AMBN: variants seen among roughly 807,000 people sequenced by gnomAD.
AMBN encodes enamel matrix protein.
AMBN carries 54 observed loss-of-function variants against 48.0 expected under a neutral mutation model. The ratio of observed to expected loss-of-function variants is 1.12; its 90% CI spans 0.90 to 1.41. The LOEUF is 1.41. AMBN is among the 40% of genes most tolerant of loss of function. The probability of loss-of-function intolerance (pLI) is 0.00; values close to 1 mark genes in which losing one functional copy is unlikely to be tolerated. For missense variants in AMBN, 571 were observed against 547.3 expected (o/e 1.04, Z -0.43); for synonymous variants, 186 against 190.0 (o/e 0.98, Z 0.17).
chr4:70,606,854 T>A lies in AMBN; in HGVS notation c.*124T>A. 9.3e-7 allele frequency: 1 copy of A among 1,078,830 alleles called. No individual in the cohort carries two copies. The highest frequency in any genetic ancestry group is 1.8e-5 in the South Asian group (1 of 55,610). The allele number at this position is 1,078,830 out of a possible 1,614,324, so 66.8% of individuals were successfully genotyped here. A position where few individuals can be genotyped will look rare whatever the true frequency, so the allele number is the denominator to read the frequency against. ...AAAGGCATTAAAAGCGCTAAGCATA[T>A]ATTAATAAATGCAAGTGGCTAGAAA... On this transcript the variant is annotated 3_prime_UTR_variant, in exon 13 of 13. Transcript: ENST00000322937.
At chr4:70,600,363 A>T (rs902922908) in intron 5 of AMBN, among the ~76,000 whole-genome samples, 4 of 152,198 alleles carry the variant, frequency 2.6e-5, no homozygotes, top group Non-Finnish European at 5.9e-5. Context: ...ACAGAAGTCA[A>T]TAAATATATC....
Position 70,606,384 on chromosome 4 carries a change from C to G in AMBN, c.998C>G (p.Pro333Arg), listed in dbSNP as rs1400119596. The G allele has an allele frequency of 6.2e-7, 1 of 1,613,912 alleles. No individual in the cohort carries two copies. The highest frequency in any genetic ancestry group is 1.3e-5 in the African/African-American group (1 of 74,910). Residue 333 changes from proline (P) to arginine (R), a missense_variant, in exon 13 of 13, where the codon CCA becomes CGA. Pro to Arg is a moderately radical substitution (Grantham distance 103, BLOSUM62 -2). Coordinates refer to ENST00000322937, the MANE Select transcript of AMBN (RefSeq NM_016519.6). ...GGCTCCCCTATGCCGGAGGCCAACC[C>G]AGACAATCTAGAAAACCCAGCTTTC... ...AQGSPMPEAN[P>R]DNLENPAFLT...
At chr4:70,593,519 C>A in intron 2 of AMBN, 124 bp downstream of exon 2, 2 of 794,740 alleles carry the variant, frequency 2.5e-6, no homozygotes, top group Admixed American at 2.5e-5. Context: ...GTGGTTTAGT[C>A]CTATTGAGTC....
rs767521239 is a variant in AMBN at position 70,599,562 on chromosome 4, A to C, written c.210A>C (p.Ser70=). The change falls in exon 5 of 13, where the codon TCA becomes TCC. Residue 70 remains serine (S), a synonymous_variant. Transcript: ENST00000322937. The part of the protein sequence containing the change: ...SQYSRYGFGK[S]FNSLWMHGLL... Reference sequence around the variant, plus strand: ...ATTCTAGATACGGCTTTGGAAAATCATTTAATTCTTTGTGGATGCACGGTC... The same window carrying C: ...ATTCTAGATACGGCTTTGGAAAATCCTTTAATTCTTTGTGGATGCACGGTC... 7 of 1,612,948 alleles carry C rather than the reference A, an allele frequency of 4.3e-6. No homozygotes were observed. Among genetic ancestry groups the C allele is most frequent in the Non-Finnish European group, 5.1e-6 (6 of 1,179,482 alleles).
intron 6 of AMBN, 199 bp downstream of exon 6, chr4:70,601,853 A>T (rs1215463684): frequency 1.4e-6 from 1 of 691,398 alleles, no homozygotes; most frequent in Admixed American, 2.1e-5. Context: ...GCCATCAGAG[A>T]CAGGGCATGG....
chr4:70,603,016 T>A lies in AMBN; in HGVS notation c.648+6T>A. 6.2e-7 allele frequency: 1 copy of A among 1,602,712 alleles called. No homozygotes were observed. The highest frequency in any genetic ancestry group is 1.1e-5 in the South Asian group (1 of 87,072). On this transcript the variant is annotated splice_donor_region_variant and intron_variant, in intron 9 of 12. Coordinates refer to ENST00000322937, the MANE Select transcript of AMBN (RefSeq NM_016519.6). ...CTGATCCACAAGGTTCAACAGTAAG[T>A]ACAGATCTCAATGAGACACTGTCTT...
intron 1 of AMBN, 26 bp downstream of exon 1, chr4:70,592,399 T>C: frequency 6.2e-7 from 1 of 1,613,526 alleles, no homozygotes; most frequent in African/African-American, 1.3e-5. Context: ...ATGATTTCCA[T>C]GTGTTTCCTG....
At chr4:70,604,976 G>C (rs934554731) in intron 12 of AMBN, among the ~76,000 whole-genome samples, 4 of 142,994 alleles carry the variant, frequency 2.8e-5, no homozygotes, top group South Asian at 2.3e-4. Flanking sequence ...CTGGGCAACA[G>C]AGCAAGACCC....
At position 70,602,423 on chromosome 4, in the gene AMBN, A is replaced by T. The variant is rs138423171; in HGVS notation, c.532-201A>T. ...TACATTTGAGTAATGTTAGTAAAAG[A>T]CCATTGCAAACTCTTGGGTCATACC... On this transcript the variant is annotated intron_variant, in intron 6 of 12. Coordinates refer to ENST00000322937, the MANE Select transcript of AMBN (RefSeq NM_016519.6). Among the ~76,000 whole-genome samples the T allele has an allele frequency of 7.2e-5, 11 of 152,268 alleles. No individual in the cohort carries two copies. In the East Asian group the frequency reaches 1.2e-3, roughly 16 times the overall value.
intron 1 of AMBN, 105 bp downstream of exon 1, chr4:70,592,478 C>T: frequency 7.9e-7 from 1 of 1,260,596 alleles, no homozygotes; most frequent in African/African-American, 1.5e-5. Flanking sequence ...TCACCAGTAG[C>T]TGAATTATTG....
chr4:70,606,461 G>T lies in AMBN; in HGVS notation c.1075G>T (p.Asp359Tyr), dbSNP rs1395832963. ...PHAGLLALPK[D>Y]DIPGLPRSPS... The stretch of plus-strand genomic sequence containing the variant: ...CGCAGGGCTCCTTGCTCTCCCTAAG[G>T]ATGACATTCCCGGCCTGCCAAGGAG... Residue 359 changes from aspartate (D) to tyrosine (Y), a missense_variant, in exon 13 of 13, where the codon GAT becomes TAT. By Grantham distance (160) the Asp-to-Tyr change is radical (BLOSUM62 -3). Coordinates refer to ENST00000322937, the MANE Select transcript of AMBN (RefSeq NM_016519.6). The T allele has an allele frequency of 6.2e-7, 1 of 1,613,974 alleles. No homozygotes were observed. Among genetic ancestry groups the T allele is most frequent in the Non-Finnish European group, 8.5e-7 (1 of 1,179,986 alleles).
At chr4:70,604,001 G>A in intron 12 of AMBN, 80 bp downstream of exon 12, 1 of 1,423,928 alleles carries the variant, frequency 7.0e-7, no homozygotes, top group Non-Finnish European at 9.9e-7. Context: ...AGAGACGTCT[G>A]CCATGAATGT....
intron 5 of AMBN, 44 bp downstream of exon 5, chr4:70,599,690 A>G: frequency 3.6e-6 from 5 of 1,407,510 alleles, no homozygotes; most frequent in Non-Finnish European, 4.9e-6. Flanking sequence ...AGGCTTTAAA[A>G]CCTCTTCTTA....
rs1347359120 is a variant in AMBN at position 70,603,433 on chromosome 4, G to T, written c.726G>T (p.Leu242Phe). Residue 242 changes from leucine to phenylalanine, a missense_variant, in exon 11 of 13, where the codon TTG (leucine) becomes TTT (phenylalanine). Leu to Phe is a conservative substitution (Grantham distance 22). Transcript: ENST00000322937. ...NKQSPLYPGMLYVPFGANQLN... is the reference protein window; with the variant it reads ...NKQSPLYPGMFYVPFGANQLN... ...TTATTTAGCTTTATCCAGGAATGTTGTACGTGCCTTTTGGAGCAAATCAAT... is the reference window on the plus strand; with the variant it reads ...TTATTTAGCTTTATCCAGGAATGTTTTACGTGCCTTTTGGAGCAAATCAAT... The T allele has an allele frequency of 6.2e-7, 1 of 1,612,832 alleles. No individual in the cohort carries two copies. Among genetic ancestry groups the T allele is most frequent in the Non-Finnish European group, 8.5e-7 (1 of 1,179,848 alleles).
chr4:70,604,006 GAATGTAGCCA>G, intron 12 of AMBN, 85 bp downstream of exon 12: 2 of 1,374,084 alleles, frequency 1.5e-6, no homozygotes, highest in Non-Finnish European at 2.1e-6. Context: ...CGTCTGCCAT[GAATGTAGCCA>G]AATGAGCATG....
chr4:70,598,527 T>TA, intron 4 of AMBN, 124 bp downstream of exon 4: 1 of 652,838 alleles, frequency 1.5e-6, no homozygotes, highest in Non-Finnish European at 2.3e-6. Context: ...AACCAAGAAG[T>TA]AAATGAGAGC....
At position 70,599,639 on chromosome 4, in the gene AMBN, C is replaced by T. The variant is rs775414238; in HGVS notation, c.287C>T (p.Thr96Ile). Residue 96 changes from threonine to isoleucine, a missense_variant, in exon 5 of 13, where the codon ACT (threonine) becomes ATT (isoleucine). Thr to Ile is a moderately conservative substitution (Grantham distance 89, BLOSUM62 -1). Coordinates refer to ENST00000322937, the MANE Select transcript of AMBN (RefSeq NM_016519.6). Reference protein sequence around the residue: ...LPWMRPREHETQQYEYSLPVH... With the variant: ...LPWMRPREHEIQQYEYSLPVH... ...TGGATGAGGCCAAGAGAACATGAAA[C>T]TCAACAGGTGAGTGAATAGCATCAA... 18 of 1,606,686 alleles carry T rather than the reference C, an allele frequency of 1.1e-5. No individual in the cohort carries two copies. The highest frequency in any genetic ancestry group is 4.4e-5 in the South Asian group (4 of 90,430).
At chr4:70,599,785 G>GC in intron 5 of AMBN, 139 bp downstream of exon 5, 1 of 528,104 alleles carries the variant, frequency 1.9e-6, no homozygotes, top group African/African-American at 1.9e-5. Flanking sequence ...ATAAATCGAA[G>GC]CCTATAACTG....
rs772331112 is a variant in AMBN, at chr4:70,606,698, A to G, written c.1312A>G (p.Met438Val). 1 of 1,613,802 alleles carries G rather than the reference A, an allele frequency of 6.2e-7. No homozygotes were observed. The highest frequency in any genetic ancestry group is 1.1e-5 in the South Asian group (1 of 91,026). The change falls in exon 13 of 13, where the codon ATG (methionine) becomes GTG (valine). Residue 438 changes from methionine to valine, a missense_variant. Physicochemically the swap from Met to Val is conservative, Grantham distance 21 (BLOSUM62 1). Coordinates refer to ENST00000322937, the MANE Select transcript of AMBN (RefSeq NM_016519.6). ...PGNKAQEPEM[M>V]HDAWHFQEP ...AAACAAAGCCCAGGAGCCCGAGATG[A>G]TGCATGACGCATGGCATTTCCAAGA... is the stretch of plus-strand genomic sequence containing the variant.
Sources: allele counts gnomAD v4.1 joint callset (sites outside exome capture counted in the v4.1 genomes callset), GRCh38; gene constraint gnomAD v4.1.1; transcripts MANE v1.5; gene names NCBI Gene and HGNC (gene_info 2026-07-23, HGNC 2026-07-21).